SLC4A10: variants seen among roughly 807,000 people sequenced by gnomAD.
SLC4A10 encodes sodium-driven chloride bicarbonate exchanger.
A neutral mutation model predicts 137.7 loss-of-function variants in SLC4A10; 42 were observed. That is an observed-to-expected ratio of 0.30 (90% CI 0.24 to 0.39). The LOEUF is 0.39. Among genes scored for constraint, SLC4A10 ranks in the 10% least tolerant of loss-of-function variants. SLC4A10 has a pLI of 1.00. For synonymous variants in SLC4A10, 474 were observed against 464.1 expected (o/e 1.02, Z -0.27); for missense variants, 925 against 1,355.0 (o/e 0.68, Z 4.98).
intron 10 of SLC4A10, 58 bp downstream of exon 10, chr2:161,882,502 G>A: frequency 9.2e-7 from 1 of 1,088,874 alleles, no homozygotes; most frequent in Non-Finnish European, 1.3e-6. Context: ...TAAAACTTTT[G>A]GAGGTCCTCT....
chr2:161,751,730 T>C (rs1393471788), intron 1 of SLC4A10, among the ~76,000 whole-genome samples: 1 of 151,876 alleles, frequency 6.6e-6, no homozygotes, highest in East Asian at 1.9e-4. Flanking sequence ...TAATCTAATC[T>C]CTTTTGATTC....
At chr2:161,664,760 A>T (rs1316284568) in intron 1 of SLC4A10, among the ~76,000 whole-genome samples, 1 of 151,368 alleles carries the variant, frequency 6.6e-6, no homozygotes, top group East Asian at 1.9e-4. Flanking sequence ...ACATTAGAGA[A>T]TTATATAGTA....
At chr2:161,839,264 A>G (rs1225275647) in intron 3 of SLC4A10, among the ~76,000 whole-genome samples, 1 of 152,262 alleles carries the variant, frequency 6.6e-6, no homozygotes, top group Non-Finnish European at 1.5e-5. Context: ...GCAAAGGCAA[A>G]GCTAGCAGCA....
intron 3 of SLC4A10, among the ~76,000 whole-genome samples, chr2:161,834,700 C>CACACACAA (rs1204654973): frequency 4.7e-5 from 7 of 149,210 alleles, no homozygotes; most frequent in African/African-American, 1.7e-4. Flanking sequence ...CACACACACA[C>CACACACAA]AAAACCTATT....
chr2:161,916,578 G>C (rs994758542), intron 15 of SLC4A10, among the ~76,000 whole-genome samples: 2 of 152,178 alleles, frequency 1.3e-5, no homozygotes, highest in Admixed American at 1.3e-4. Flanking sequence ...AAGCCAAAGG[G>C]CTTCTGTGAC....
rs78591482 is a variant in SLC4A10, at chr2:161,801,704, G to T, written c.131-2745G>T. The stretch of plus-strand genomic sequence containing the variant: ...ATCTGTCTTAAACTCTAAAGGGAGA[G>T]AAAGTAGGTTTGTTCATTAGCTGTG... On this transcript the variant is annotated intron_variant, in intron 2 of 26. Transcript: ENST00000446997. Among the ~76,000 whole-genome samples, 930 of 152,228 alleles carry T rather than the reference G, an allele frequency of 6.1e-3. 11 individuals carry two copies. The highest frequency in any genetic ancestry group is 0.021 in the African/African-American group (886 of 41,548).
intron 15 of SLC4A10, among the ~76,000 whole-genome samples, chr2:161,923,448 T>C (rs6432705): frequency 0.52 from 78,625 of 152,016 alleles, 21,068 homozygotes; most frequent in East Asian, 0.85. Context: ...ACAATCTCTA[T>C]TTACTTATGT....
At chr2:161,694,667 G>A (rs2042317233) in intron 1 of SLC4A10, among the ~76,000 whole-genome samples, 1 of 151,932 alleles carries the variant, frequency 6.6e-6, no homozygotes, top group South Asian at 2.1e-4. Context: ...ATTCTTGTTT[G>A]ATTTACGTTC....
intron 1 of SLC4A10, among the ~76,000 whole-genome samples, chr2:161,639,372 C>G (rs1439071497): frequency 6.6e-6 from 1 of 151,986 alleles, no homozygotes; most frequent in Non-Finnish European, 1.5e-5. Flanking sequence ...ACATAAAAAT[C>G]CTGAACAAAA....
chr2:161,889,466 T>G (rs1187361042), intron 10 of SLC4A10, among the ~76,000 whole-genome samples: 3 of 152,180 alleles, frequency 2.0e-5, no homozygotes, highest in African/African-American at 7.2e-5. Flanking sequence ...CAGAACTTGT[T>G]GTTGGCCTTT....
intron 1 of SLC4A10, among the ~76,000 whole-genome samples, chr2:161,716,443 T>A (rs2044886690): frequency 2.0e-5 from 3 of 152,178 alleles, no homozygotes. Flanking sequence ...GATTTTCTTC[T>A]AGGGTTTTTA....
At chr2:161,843,461 G>C (rs2059311526) in intron 4 of SLC4A10, among the ~76,000 whole-genome samples, 1 of 152,170 alleles carries the variant, frequency 6.6e-6, no homozygotes, top group Admixed American at 6.6e-5. Context: ...TCTAATGCAT[G>C]CTATAGCTGT....
intron 10 of SLC4A10, among the ~76,000 whole-genome samples, chr2:161,889,213 A>T (rs1247610766): frequency 6.6e-6 from 1 of 152,098 alleles, no homozygotes; most frequent in East Asian, 1.9e-4. Flanking sequence ...TTTTTGCATC[A>T]ATGTTCATCA....
At chr2:161,864,933 G>A (rs2060647698) in intron 6 of SLC4A10, among the ~76,000 whole-genome samples, 1 of 152,176 alleles carries the variant, frequency 6.6e-6, no homozygotes, top group South Asian at 2.1e-4. Context: ...ATGGGATTAT[G>A]TCTACATGAT....
chr2:161,732,752 A>C (rs1030395266), intron 1 of SLC4A10, among the ~76,000 whole-genome samples: 1 of 152,148 alleles, frequency 6.6e-6, no homozygotes, highest in African/African-American at 2.4e-5. Context: ...CTTCCTAGAG[A>C]CTTGTTGAAT....
intron 1 of SLC4A10, among the ~76,000 whole-genome samples, chr2:161,685,494 G>C (rs954558658): frequency 6.6e-6 from 1 of 152,118 alleles, no homozygotes; most frequent in Non-Finnish European, 1.5e-5. Flanking sequence ...TGTGGTCCCA[G>C]CTACTTGGGA....
chr2:161,745,854 T>C (rs2048337800), intron 1 of SLC4A10, among the ~76,000 whole-genome samples: 1 of 152,168 alleles, frequency 6.6e-6, no homozygotes, highest in Non-Finnish European at 1.5e-5. Context: ...GGTGGTGTTG[T>C]GTAAAATCTC....
chr2:161,660,746 C>T (rs540673219), intron 1 of SLC4A10, among the ~76,000 whole-genome samples: 37 of 151,288 alleles, frequency 2.4e-4, no homozygotes, highest in East Asian at 7.8e-4. Flanking sequence ...CTCTGCCTCA[C>T]GGGTTCAAGC....
At chr2:161,740,379 G>C (rs1001073991) in intron 1 of SLC4A10, among the ~76,000 whole-genome samples, 1 of 152,040 alleles carries the variant, frequency 6.6e-6, no homozygotes, top group Non-Finnish European at 1.5e-5. Flanking sequence ...AACCTATATA[G>C]ACCATTTCCA....
Sources: allele counts gnomAD v4.1 joint callset (sites outside exome capture counted in the v4.1 genomes callset), GRCh38; gene constraint gnomAD v4.1.1; transcripts MANE v1.5; gene names NCBI Gene and HGNC (gene_info 2026-07-23, HGNC 2026-07-21).